FOLH1: variants seen among roughly 807,000 people sequenced by gnomAD.
FOLH1 encodes glutamate carboxypeptidase 2.
In FOLH1, 54 loss-of-function variants were observed where a neutral mutation model predicts 93.9. The observed-to-expected ratio is 0.57, with a 90% CI of 0.46 to 0.72. The LOEUF (loss-of-function observed/expected upper bound fraction) is 0.72, where lower values mean the gene tolerates loss of function less well. Among genes scored for constraint, FOLH1 ranks in the 30% least tolerant of loss-of-function variants. The pLI is 0.00. For missense variants in FOLH1, 571 were observed against 892.5 expected, an observed-to-expected ratio of 0.64 and a Z score of 4.59; for synonymous variants, 249 against 303.6, an observed-to-expected ratio of 0.82 and a Z score of 1.87.
In FOLH1 at chr11:49,177,721, G is replaced by A. The variant is rs189878849; in HGVS notation, c.921-1764C>T. On this transcript the variant is annotated intron_variant, in intron 7 of 18. Transcript: ENST00000256999. The stretch of plus-strand genomic sequence containing the variant: ...CCAGCACTTTGGGAGGGCGAGGCAA[G>A]CGGATCACCTGAGGTCGGGAGTTTG... 3.4e-3 allele frequency among the ~76,000 whole-genome samples: 509 copies of A among 149,104 alleles called. 8 individuals carry two copies. Among genetic ancestry groups the A allele is most frequent in the Admixed American group, 3.8e-3 (56 of 14,830 alleles).
chr11:49,172,931 C>T (rs190370957), intron 10 of FOLH1, among the ~76,000 whole-genome samples: 2 of 152,288 alleles, frequency 1.3e-5, no homozygotes, highest in Non-Finnish European at 2.9e-5. Flanking sequence ...CTGTATTTCT[C>T]TGAATAGAGC....
At chr11:49,195,089 A>C (rs1176399386) in intron 3 of FOLH1, among the ~76,000 whole-genome samples, 1 of 152,096 alleles carries the variant, frequency 6.6e-6, no homozygotes, top group Non-Finnish European at 1.5e-5. Flanking sequence ...CAAAATATTA[A>C]ACCAAACAAC....
chr11:49,159,068 A>G (rs954053290), intron 13 of FOLH1, among the ~76,000 whole-genome samples: 1 of 152,210 alleles, frequency 6.6e-6, no homozygotes, highest in African/African-American at 2.4e-5. Context: ...GAATAATGTC[A>G]TCTGCAAACA....
At chr11:49,182,492 T>G (rs1860879477) in intron 7 of FOLH1, among the ~76,000 whole-genome samples, 1 of 151,770 alleles carries the variant, frequency 6.6e-6, no homozygotes, top group South Asian at 2.1e-4. Context: ...AGAATAGAGA[T>G]AAAAACAAAA....
At chr11:49,182,145 A>G (rs1456085059) in intron 7 of FOLH1, among the ~76,000 whole-genome samples, 2 of 151,900 alleles carry the variant, frequency 1.3e-5, no homozygotes, top group Non-Finnish European at 2.9e-5. Context: ...CCTGATCAGC[A>G]TGGTGAAACC....
chr11:49,185,153 G>A (rs1428949501), intron 6 of FOLH1, among the ~76,000 whole-genome samples: 1 of 152,084 alleles, frequency 6.6e-6, no homozygotes, highest in African/African-American at 2.4e-5. Flanking sequence ...AAAAGTTTAT[G>A]GAACTTCTGC....
At chr11:49,187,381 G>T (rs1418469499) in intron 4 of FOLH1, among the ~76,000 whole-genome samples, 1 of 151,926 alleles carries the variant, frequency 6.6e-6, no homozygotes, top group Non-Finnish European at 1.5e-5. Flanking sequence ...TTTTGACAAT[G>T]TCCCCCTTCA....
At chr11:49,205,705 A>G (rs3018996) in intron 2 of FOLH1, among the ~76,000 whole-genome samples, 2 of 152,240 alleles carry the variant, frequency 1.3e-5, no homozygotes, top group African/African-American at 4.8e-5. Flanking sequence ...TTGACACATC[A>G]ATTATATGAA....
rs756458499 is a variant in FOLH1 at position 49,148,774 on chromosome 11, G to T, written c.1971-43C>A. ...TATAATTATAACTTCATGAAAATAT[G>T]TTTCTACTCAGAAAATAAAAATTTC... On this transcript the variant is annotated intron_variant, in intron 17 of 18. Coordinates refer to ENST00000256999, the MANE Select transcript of FOLH1 (RefSeq NM_004476.3). The T allele has an allele frequency of 2.0e-6, 3 of 1,481,798 alleles. No homozygotes were observed. The Admixed American group carries it at 7.2e-5, about 35-fold the overall frequency. 91.8% of individuals were successfully genotyped at this position (1,481,798 alleles called of 1,614,324 possible).
intron 12 of FOLH1, among the ~76,000 whole-genome samples, chr11:49,167,334 A>G (rs1858531710): frequency 6.6e-6 from 1 of 152,196 alleles, no homozygotes; most frequent in Admixed American, 6.5e-5. Context: ...GAAGTGAGAA[A>G]ACTGAGGCAC....
At position 49,163,855 on chromosome 11, in the gene FOLH1, C is replaced by T. The variant is rs74789952; in HGVS notation, c.1440+850G>A. 2.6e-3 allele frequency among the ~76,000 whole-genome samples: 394 copies of T among 152,134 alleles called. 12 individuals are homozygous for T. The East Asian group carries it at 0.06, about 23-fold the overall frequency. ...GTGGGTTCACAAGGGTATCTGCTGA[C>T]CTAAGCGTTGCAAAGATCCATGGAA... On this transcript the variant is annotated intron_variant, in intron 13 of 18. Transcript: ENST00000256999.
chr11:49,185,112 C>T (rs545746064), intron 6 of FOLH1, among the ~76,000 whole-genome samples: 12 of 152,128 alleles, frequency 7.9e-5, no homozygotes, highest in Non-Finnish European at 1.6e-4. Flanking sequence ...ATATGCATTT[C>T]CTGGGCCCTA....
intron 10 of FOLH1, among the ~76,000 whole-genome samples, chr11:49,172,406 G>A (rs1274893878): frequency 6.6e-6 from 1 of 152,098 alleles, no homozygotes; most frequent in African/African-American, 2.4e-5. Context: ...ATGGTTTTGA[G>A]GACTGGTAGT....
At chr11:49,200,766 T>C (rs543024155) in intron 2 of FOLH1, among the ~76,000 whole-genome samples, 16 of 152,288 alleles carry the variant, frequency 1.1e-4, no homozygotes, top group African/African-American at 3.8e-4. Context: ...ATTATCTGTT[T>C]ATATCACTGT....
chr11:49,171,745 T>C (rs1227351237), intron 10 of FOLH1, among the ~76,000 whole-genome samples: 1 of 152,064 alleles, frequency 6.6e-6, no homozygotes, highest in African/African-American at 2.4e-5. Context: ...CCAGAATTAA[T>C]CAACAAGGGC....
At position 49,146,959 on chromosome 11, in the gene FOLH1, C is replaced by T. The variant is rs767390691; in HGVS notation, c.2064-14G>A. The T allele has an allele frequency of 2.5e-6, 4 of 1,603,310 alleles. No homozygotes were observed. Among genetic ancestry groups the T allele is most frequent in the Admixed American group, 1.7e-5 (1 of 58,528 alleles). ...TAGATGACATGCCTGTTGATAAAAT[C>T]GTTTGCTGTTTATTAGGTGCCCAAA... On this transcript the variant is annotated splice_polypyrimidine_tract_variant and intron_variant, in intron 18 of 18. Coordinates refer to ENST00000256999, the MANE Select transcript of FOLH1 (RefSeq NM_004476.3).
At chr11:49,205,076 G>T (rs561166937) in intron 2 of FOLH1, among the ~76,000 whole-genome samples, 22 of 152,130 alleles carry the variant, frequency 1.4e-4, no homozygotes, top group African/African-American at 4.3e-4. Flanking sequence ...TGGGTGTGGT[G>T]GTGCATGCCT....
chr11:49,201,671 T>TC (rs1863273094), intron 2 of FOLH1, among the ~76,000 whole-genome samples: 1 of 152,200 alleles, frequency 6.6e-6, no homozygotes, highest in East Asian at 1.9e-4. Flanking sequence ...CTAAGGAGTC[T>TC]CTATCCCTTA....
chr11:49,171,183 T>G lies in FOLH1; in HGVS notation c.1308+12A>C, dbSNP rs531441539. 2 of 1,560,044 alleles carry G rather than the reference T, an allele frequency of 1.3e-6. No homozygotes were observed. Among genetic ancestry groups the G allele is most frequent in the Admixed American group, 2.0e-5 (1 of 51,242 alleles). ...TTATAAAAATTTATATTATAGCAAA[T>G]TACCAACTAACCTCTGCCCACTCAG... On this transcript the variant is annotated intron_variant, in intron 11 of 18. Transcript: ENST00000256999.
Sources: gnomAD v4.1 joint callset for allele counts (sites outside exome capture counted in the v4.1 genomes callset) on GRCh38, gnomAD v4.1.1 for gene constraint, MANE v1.5 for transcripts, NCBI Gene and HGNC (gene_info 2026-07-23, HGNC 2026-07-21) for gene names.